The following AGBL4 variants were observed in gnomAD, a reference collection of about 807,000 sequenced individuals.
AGBL4 encodes AGBL carboxypeptidase 4.
In AGBL4, 58 loss-of-function variants were observed where a neutral mutation model predicts 66.4. That is an observed-to-expected ratio of 0.87 (90% CI 0.71 to 1.09). The LOEUF is 1.09. Ranked by LOEUF, AGBL4 falls within the 50% of genes least tolerant of loss-of-function variation. The pLI is 0.00. For synonymous variants in AGBL4, 234 were observed against 222.9 expected, an observed-to-expected ratio of 1.05 and a Z score of -0.44; for missense variants, 579 against 631.0, an observed-to-expected ratio of 0.92 and a Z score of 0.88.
chr1:49,795,189 G>A (rs988473067), intron 2 of AGBL4, among the ~76,000 whole-genome samples: 3 of 151,220 alleles, frequency 2.0e-5, no homozygotes, highest in Non-Finnish European at 4.4e-5. Flanking sequence ...TAAGCATTCA[G>A]CTGATATTTA....
intron 6 of AGBL4, among the ~76,000 whole-genome samples, chr1:48,796,161 T>A (rs1332549441): frequency 6.6e-6 from 1 of 152,234 alleles, no homozygotes; most frequent in African/African-American, 2.4e-5. Context: ...ACTATTTATT[T>A]TTCAGGTCTC....
chr1:49,895,204 A>C (rs1571822820), intron 1 of AGBL4, among the ~76,000 whole-genome samples: 1 of 151,970 alleles, frequency 6.6e-6, no homozygotes, highest in African/African-American at 2.4e-5. Flanking sequence ...TTTAAAAAAA[A>C]AAAAAAAAAC....
At chr1:49,950,161 C>T (rs1197937428) in intron 1 of AGBL4, among the ~76,000 whole-genome samples, 2 of 143,026 alleles carry the variant, frequency 1.4e-5, no homozygotes, top group Non-Finnish European at 3.1e-5. Flanking sequence ...TATATATACA[C>T]ACATATATAT....
chr1:49,738,975 A>T (rs917055751), intron 2 of AGBL4, among the ~76,000 whole-genome samples: 1 of 152,210 alleles, frequency 6.6e-6, no homozygotes, highest in Non-Finnish European at 1.5e-5. Context: ...CAGAAAAACT[A>T]AAAAGTCTGA....
chr1:49,499,546 T>C (rs1647934019), intron 3 of AGBL4, among the ~76,000 whole-genome samples: 1 of 151,394 alleles, frequency 6.6e-6, no homozygotes, highest in African/African-American at 2.4e-5. Context: ...CCAGAGTCCA[T>C]TACATCATTC....
chr1:48,821,374 A>C (rs1187145924), intron 6 of AGBL4, among the ~76,000 whole-genome samples: 4 of 152,200 alleles, frequency 2.6e-5, no homozygotes, highest in African/African-American at 9.6e-5. Context: ...CTGGATAAAG[A>C]AAATGTGGTA....
At chr1:48,915,767 A>C (rs1396736369) in intron 5 of AGBL4, among the ~76,000 whole-genome samples, 1 of 152,202 alleles carries the variant, frequency 6.6e-6, no homozygotes, top group Admixed American at 6.5e-5. Context: ...AAAGGATAGA[A>C]GGAATCAAAG....
chr1:49,012,664 G>A (rs1044881702), intron 5 of AGBL4, among the ~76,000 whole-genome samples: 2 of 152,180 alleles, frequency 1.3e-5, no homozygotes, highest in African/African-American at 2.4e-5. Context: ...ACCTGTACCT[G>A]AAATTCTACC....
chr1:49,729,835 C>T (rs368278823), intron 2 of AGBL4, among the ~76,000 whole-genome samples: 10 of 152,082 alleles, frequency 6.6e-5, no homozygotes, highest in African/African-American at 1.9e-4. Flanking sequence ...CAGACAGCAG[C>T]GACCCATCCC....
chr1:49,441,250 G>A (rs887790725), intron 3 of AGBL4, among the ~76,000 whole-genome samples: 64 of 152,274 alleles, frequency 4.2e-4, no homozygotes, highest in African/African-American at 1.5e-3. Context: ...CTGGAGAACA[G>A]GCATGGGAAT....
intron 1 of AGBL4, among the ~76,000 whole-genome samples, chr1:49,871,295 T>A (rs550363317): frequency 4.6e-5 from 7 of 152,148 alleles, no homozygotes; most frequent in Non-Finnish European, 8.8e-5. Context: ...TTTAATAAAT[T>A]TGCATATAAG....
intron 9 of AGBL4, among the ~76,000 whole-genome samples, chr1:48,632,080 AG>A (rs933051920): frequency 2.6e-5 from 4 of 152,202 alleles, no homozygotes; most frequent in Admixed American, 2.6e-4. Flanking sequence ...TAGAGAAGAA[AG>A]GAAAAAATGG....
Position 49,704,004 on chromosome 1 carries a change from AG to A in AGBL4, c.158-6568del, listed in dbSNP as rs1647152810. 3.3e-5 allele frequency among the ~76,000 whole-genome samples: 5 copies of A among 152,248 alleles called. No individual in the cohort carries two copies. The South Asian group carries it at 1.0e-3, about 32-fold the overall frequency. ...TGAAACAAAAAACCACAAGATACCT[AG>A]AAATAAATCTAACCAAAGATATCCA... On this transcript the variant is annotated intron_variant, in intron 2 of 13. Transcript: ENST00000371839.
chr1:48,952,750 G>C (rs1369362337), intron 5 of AGBL4, among the ~76,000 whole-genome samples: 1 of 152,174 alleles, frequency 6.6e-6, no homozygotes, highest in East Asian at 1.9e-4. Context: ...CCAGGCTATA[G>C]ACCAAGCTTG....
At chr1:48,714,220 G>C (rs564551893) in intron 6 of AGBL4, among the ~76,000 whole-genome samples, 31 of 152,222 alleles carry the variant, frequency 2.0e-4, no homozygotes, top group Middle Eastern at 6.8e-3. Flanking sequence ...CAAAACATGA[G>C]AACTACATTT....
intron 3 of AGBL4, among the ~76,000 whole-genome samples, chr1:49,302,105 C>T (rs957716432): frequency 2.6e-5 from 4 of 151,996 alleles, no homozygotes; most frequent in Admixed American, 1.3e-4. Flanking sequence ...TCTCCCCCAA[C>T]CCTTTTTTGG....
intron 3 of AGBL4, among the ~76,000 whole-genome samples, chr1:49,414,855 C>T (rs1464981270): frequency 2.0e-5 from 3 of 152,138 alleles, no homozygotes; most frequent in Non-Finnish European, 4.4e-5. Flanking sequence ...GTATTTAAAA[C>T]AGTTCCTGGG....
intron 4 of AGBL4, among the ~76,000 whole-genome samples, chr1:49,241,471 T>G (rs570794331): frequency 5.3e-5 from 8 of 152,230 alleles, no homozygotes; most frequent in African/African-American, 1.9e-4. Flanking sequence ...ATCCTTGGTG[T>G]ATATGAAGTC....
intron 2 of AGBL4, among the ~76,000 whole-genome samples, chr1:49,711,576 G>A (rs895119386): frequency 6.6e-6 from 1 of 151,966 alleles, no homozygotes; most frequent in Non-Finnish European, 1.5e-5. Context: ...GGTAGAAAGG[G>A]GGATATATTA....
Sources: gnomAD v4.1 joint callset for allele counts (sites outside exome capture counted in the v4.1 genomes callset) on GRCh38, gnomAD v4.1.1 for gene constraint, MANE v1.5 for transcripts, NCBI Gene and HGNC (gene_info 2026-07-23, HGNC 2026-07-21) for gene names.